The following ATP6V0D1 variants were observed in gnomAD, a reference collection of about 807,000 sequenced individuals.
The protein encoded by ATP6V0D1 is V-type proton ATPase subunit d 1.
A neutral mutation model predicts 39.0 loss-of-function variants in ATP6V0D1; 13 were observed. That is an observed-to-expected ratio of 0.33 (90% confidence interval 0.22 to 0.53). The LOEUF is 0.53. Ranked by LOEUF, ATP6V0D1 falls within the 20% of genes least tolerant of loss-of-function variation. The probability of loss-of-function intolerance (pLI) is 0.94; values close to 1 mark genes in which losing one functional copy is unlikely to be tolerated. For missense variants in ATP6V0D1, 272 were observed against 470.9 expected (o/e 0.58, Z 3.91); for synonymous variants, 191 against 191.2 (o/e 1.00, Z 0.01).
intron 1 of ATP6V0D1, among the ~76,000 whole-genome samples, chr16:67,477,585 A>T (rs891080288): frequency 6.6e-6 from 1 of 152,190 alleles, no homozygotes; most frequent in Admixed American, 6.5e-5. Flanking sequence ...ATAAGAATTT[A>T]TGATTGTTGT....
intron 1 of ATP6V0D1, among the ~76,000 whole-genome samples, chr16:67,463,911 G>A (rs181134682): frequency 6.6e-6 from 1 of 152,376 alleles, no homozygotes; most frequent in African/African-American, 2.4e-5. Flanking sequence ...TGACCACACA[G>A]TGGAAGCTAG....
chr16:67,468,892 G>T (rs529849305), intron 1 of ATP6V0D1, among the ~76,000 whole-genome samples: 9 of 152,314 alleles, frequency 5.9e-5, no homozygotes, highest in African/African-American at 2.2e-4. Context: ...CCAAGAAAAA[G>T]TATATGTTAT....
rs2041168435 is a variant in ATP6V0D1 at position 67,450,620 on chromosome 16, C to T, written c.302+2924G>A. On this transcript the variant is annotated intron_variant, in intron 2 of 7. Transcript: ENST00000290949. ...AGGTCAGGGGTGGCTTTAGCCAGGGCCTTGTGGTGGAGTGACGGGACTGTT... is the reference window on the plus strand; with the variant it reads ...AGGTCAGGGGTGGCTTTAGCCAGGGTCTTGTGGTGGAGTGACGGGACTGTT... 2.6e-5 allele frequency among the ~76,000 whole-genome samples: 4 copies of T among 152,052 alleles called. No individual in the cohort carries two copies. In the South Asian group the frequency reaches 8.3e-4, roughly 32 times the overall value.
In ATP6V0D1 at chr16:67,438,575, C is replaced by A. The variant is rs747711094; in HGVS notation, c.1009G>T (p.Ala337Ser). 6.2e-7 allele frequency: 1 copy of A among 1,614,050 alleles called. No homozygotes were observed. Among genetic ancestry groups the A allele is most frequent in the African/African-American group, 1.3e-5 (1 of 74,900 alleles). Reference protein sequence around the residue: ...RNIVWIAECIAQRHRAKIDNY... With the variant: ...RNIVWIAECISQRHRAKIDNY... ...TCGATTTTGGCGCGGTGGCGCTGGG[C>A]GATACATTCAGCGATCCACACGATG... The change falls in exon 8 of 8, where the codon GCC (alanine) becomes TCC (serine). Residue 337 changes from alanine (A) to serine (S), a missense_variant. By Grantham distance (99) the Ala-to-Ser change is moderately conservative (BLOSUM62 1). Around this residue, in one of 4 missense-constraint regions of ATP6V0D1, gnomAD observed 35 missense variants for 84.6 expected, o/e 0.41. Transcript: ENST00000290949.
At chr16:67,451,977 C>T (rs2041185846) in intron 2 of ATP6V0D1, among the ~76,000 whole-genome samples, 1 of 152,254 alleles carries the variant, frequency 6.6e-6, no homozygotes, top group African/African-American at 2.4e-5. Flanking sequence ...GTCAGGCCTC[C>T]TCTGGCCAGC....
chr16:67,478,273 C>A (rs2041432723), intron 1 of ATP6V0D1, among the ~76,000 whole-genome samples: 1 of 152,148 alleles, frequency 6.6e-6, no homozygotes, highest in Admixed American at 6.6e-5. Flanking sequence ...ACTTTGTGCA[C>A]CAAGTGCTGG....
intron 2 of ATP6V0D1, among the ~76,000 whole-genome samples, chr16:67,448,434 C>T (rs929170269): frequency 4.6e-5 from 7 of 151,896 alleles, no homozygotes; most frequent in Admixed American, 1.3e-4. Flanking sequence ...CCGAGGAGGG[C>T]GGATCACTTG....
intron 2 of ATP6V0D1, chr16:67,452,331 C>A (rs1282750428): frequency 6.5e-7 from 1 of 1,535,584 alleles, no homozygotes; most frequent in Admixed American, 2.0e-5. Context: ...GTTCCCTGGC[C>A]CTTCAGGTGT....
rs746392034 is a variant in ATP6V0D1 at position 67,444,697 on chromosome 16, G to A, written c.312C>T (p.Tyr104=). 6 of 1,595,732 alleles carry A rather than the reference G, an allele frequency of 3.8e-6. No individual in the cohort carries two copies. Among genetic ancestry groups the A allele is most frequent in the Non-Finnish European group, 5.1e-6 (6 of 1,167,292 alleles). ...TGAGCAGGATCACGTTGTCGATCAT[G>A]TAACTGTAACTACAGGGGGCAGGCA... The part of the protein sequence containing the change: ...ASFLDFITYS[Y]MIDNVILLIT... Residue 104 remains tyrosine (Y), a synonymous_variant, in exon 3 of 8, where the codon TAC becomes TAT. Transcript: ENST00000290949. This position sits in a 1 kb window ranked among gnomAD's most constrained non-coding sequence, Gnocchi z 4.8.
At chr16:67,443,048 C>A in intron 4 of ATP6V0D1, 51 bp downstream of exon 4, 1 of 1,591,580 alleles carries the variant, frequency 6.3e-7, no homozygotes, top group African/African-American at 1.3e-5. Context: ...CCACTTCCCA[C>A]AGCCCCACCC....
chr16:67,472,833 G>A (rs1034268678), intron 1 of ATP6V0D1, among the ~76,000 whole-genome samples: 6 of 152,140 alleles, frequency 3.9e-5, no homozygotes, highest in African/African-American at 1.2e-4. Flanking sequence ...TCGCGCCACT[G>A]CACTCCAGCC....
chr16:67,438,152 C>T lies in ATP6V0D1; in HGVS notation c.*376G>A. The T allele has an allele frequency of 7.6e-6, 2 of 261,514 alleles. No homozygotes were observed. The highest frequency in any genetic ancestry group is 1.5e-5 in the Non-Finnish European group (2 of 134,278). 16.2% of individuals were successfully genotyped at this position (261,514 alleles called of 1,614,324 possible). ...CATGGGCCATGGCTCTGGGAGCGAC[C>T]CACAGAAGGGAGAGGAGGCTCAAAC... On this transcript the variant is annotated 3_prime_UTR_variant, in exon 8 of 8. Transcript: ENST00000290949.
chr16:67,444,767 A>G lies in ATP6V0D1; in HGVS notation c.303-61T>C. On this transcript the variant is annotated intron_variant, in intron 2 of 7. Coordinates refer to ENST00000290949, the MANE Select transcript of ATP6V0D1 (RefSeq NM_004691.5). The surrounding 1 kb of genome is among the most constrained non-coding windows in gnomAD (Gnocchi z 4.8). ...GGTGGGGGCCGGGAAGTCCTGGCAT[A>G]GCACCATGCCCTCGCCCGCCTGCAC... 6.8e-7 allele frequency: 1 copy of G among 1,462,554 alleles called. No individual in the cohort carries two copies. The highest frequency in any genetic ancestry group is 9.2e-7 in the Non-Finnish European group (1 of 1,089,268). 90.6% of individuals were successfully genotyped at this position (1,462,554 alleles called of 1,614,324 possible).
At position 67,438,213 on chromosome 16, in the gene ATP6V0D1, T is replaced by G. The variant is rs2040997758; in HGVS notation, c.*315A>C. 3.0e-6 allele frequency: 1 copy of G among 335,498 alleles called. No individual in the cohort carries two copies. The allele number at this position is 335,498 out of a possible 1,614,324, so 20.8% of individuals were successfully genotyped here. A position where few individuals can be genotyped will look rare whatever the true frequency, so the allele number is the denominator to read the frequency against. Reference sequence around the variant, plus strand: ...CCCCAGGGTTCTCAGGTCAGGGAGTTAGGGAGGAACATGAAAGTGACATGC... The same window carrying G: ...CCCCAGGGTTCTCAGGTCAGGGAGTGAGGGAGGAACATGAAAGTGACATGC... On this transcript the variant is annotated 3_prime_UTR_variant, in exon 8 of 8. Transcript: ENST00000290949.
intron 1 of ATP6V0D1, among the ~76,000 whole-genome samples, chr16:67,469,630 C>T (rs950201798): frequency 1.3e-5 from 2 of 152,212 alleles, no homozygotes. Flanking sequence ...CAATGCCCCA[C>T]AATGCGAAAC....
At chr16:67,457,682 T>C (rs1368202046) in intron 1 of ATP6V0D1, 2 of 1,281,364 alleles carry the variant, frequency 1.6e-6, no homozygotes, top group African/African-American at 1.5e-5. Flanking sequence ...TGCACGTGAA[T>C]GAGGGGGCAA....
chr16:67,467,325 T>G (rs1200517561), intron 1 of ATP6V0D1, among the ~76,000 whole-genome samples: 1 of 152,114 alleles, frequency 6.6e-6, no homozygotes, highest in East Asian at 1.9e-4. Context: ...GCCAACATCG[T>G]GAAACCCCGT....
intron 2 of ATP6V0D1, among the ~76,000 whole-genome samples, chr16:67,450,654 G>A (rs1038030311): frequency 2.6e-5 from 4 of 152,188 alleles, no homozygotes; most frequent in African/African-American, 9.7e-5. Flanking sequence ...TTGAAAGCTC[G>A]AGGGATGAGG....
At chr16:67,475,814 AC>A (rs1314555818) in intron 1 of ATP6V0D1, among the ~76,000 whole-genome samples, 5 of 152,180 alleles carry the variant, frequency 3.3e-5, no homozygotes, top group Admixed American at 3.3e-4. Flanking sequence ...ATCAATGAGA[AC>A]CCCATATGAC....
Sources: gnomAD v4.1 joint callset for allele counts (sites outside exome capture counted in the v4.1 genomes callset) on GRCh38, gnomAD v4.1.1 for gene constraint, gnomAD v4.1.1 regional missense constraint, Gnocchi (gnomAD v3.1) non-coding constraint, MANE v1.5 for transcripts, NCBI Gene and HGNC (gene_info 2026-07-23, HGNC 2026-07-21) for gene names.